Variants in ATG9B observed in about 807,000 individuals in gnomAD.
ATG9B encodes autophagy-related protein 9B.
ATG9B carries 92 observed loss-of-function variants against 92.9 expected under a neutral mutation model. The observed-to-expected ratio is 0.99, with a 90% CI of 0.84 to 1.18. ATG9B has a LOEUF of 1.18. Among genes scored for constraint, ATG9B ranks in the 50% most tolerant of loss-of-function variants. ATG9B has a pLI of 0.00. For missense variants in ATG9B, 1,344 were observed against 1,235.0 expected, an observed-to-expected ratio of 1.09 and a Z score of -1.32; for synonymous variants, 599 against 551.4, an observed-to-expected ratio of 1.09 and a Z score of -1.21.
downstream of ATG9B, chr7:151,014,459 C>G (rs1795398299): frequency 1.6e-5 from 7 of 440,678 alleles, no homozygotes; most frequent in Non-Finnish European, 2.8e-5. Context: ...ATGTTAGATT[C>G]CTCTTGCCTC....
chr7:151,019,334 C>A lies in ATG9B; in HGVS notation c.1004G>T (p.Arg335Leu). The A allele has an allele frequency of 1.3e-6, 2 of 1,551,736 alleles. No individual in the cohort carries two copies. Among genetic ancestry groups the A allele is most frequent in the Non-Finnish European group, 1.7e-6 (2 of 1,156,314 alleles). ...CCCGCTCCGCTGCAGTGCCAAGAGG[C>A]GGGACTGCACCTCTGCCCAGGGAAC... ...SSVPWAEVQSRLLALQRSGGL... is the reference protein window; with the variant it reads ...SSVPWAEVQSLLLALQRSGGL... The change falls in exon 6 of 14, where the codon CGC (arginine) becomes CTC (leucine). Residue 335 changes from arginine to leucine, a missense_variant. Transcript: ENST00000639579.
chr7:151,019,883 G>T (rs1329155172), intron 5 of ATG9B: 2 of 153,202 alleles, frequency 1.3e-5, no homozygotes, highest in African/African-American at 4.8e-5. Flanking sequence ...ATAGCAGGGC[G>T]TGGTGGTGTG....
At position 151,018,766 on chromosome 7, in the gene ATG9B, G is replaced by A; in HGVS notation, c.1572C>T (p.Arg524=). ...LRTAAPPAPL[R]TLLARQLVFF... is the part of the protein sequence containing the mutation. ...AAACGAGCTGGCGGGCCAGCAGCGT[G>A]CGCAGGGGCGCGGGGGGCGCAGCGG... is the stretch of plus-strand genomic sequence containing the variant. The change falls in exon 6 of 14, where the codon CGC becomes CGT. Residue 524 remains arginine, a synonymous_variant. Transcript: ENST00000639579. The surrounding 1 kb of genome is among the most constrained non-coding windows in gnomAD (Gnocchi z 4.7). The A allele has an allele frequency of 6.7e-7, 1 of 1,488,900 alleles. No homozygotes were observed. The highest frequency in any genetic ancestry group is 8.9e-7 in the Non-Finnish European group (1 of 1,123,798). 92.2% of individuals were successfully genotyped at this position (1,488,900 alleles called of 1,614,324 possible).
In ATG9B at chr7:151,016,434, G is replaced by A. The variant is rs899337168; in HGVS notation, c.2517C>T (p.His839=). The A allele has an allele frequency of 7.7e-6, 12 of 1,551,252 alleles. No individual in the cohort carries two copies. In the African/African-American group the frequency reaches 8.2e-5, roughly 11 times the overall value. The change falls in exon 11 of 14, where the codon CAC becomes CAT. Residue 839 remains histidine, a synonymous_variant. Coordinates refer to ENST00000639579, the MANE Select transcript of ATG9B (RefSeq NM_001317056.2). ...CTTTGGGCACCCCTCTACTCACCTGGTGCAGGTAGATGACATGGAGACTCA... is the reference window on the plus strand; with the variant it reads ...CTTTGGGCACCCCTCTACTCACCTGATGCAGGTAGATGACATGGAGACTCA... The part of the protein sequence containing the change: ...AEMSLHVIYL[H]QLHQQQQQQE...
Position 151,024,377 on chromosome 7 carries a change from C to A in ATG9B, c.47G>T (p.Arg16Leu). 1.5e-6 allele frequency: 2 copies of A among 1,375,256 alleles called. No homozygotes were observed. Among genetic ancestry groups the A allele is most frequent in the Non-Finnish European group, 1.9e-6 (2 of 1,059,620 alleles). 85.2% of individuals were successfully genotyped at this position (1,375,256 alleles called of 1,614,324 possible). A position where few individuals can be genotyped will look rare whatever the true frequency, so the allele number is the denominator to read the frequency against. ...GWGGRRRRLGRWGDLGPGSVP... is the reference protein window; with the variant it reads ...GWGGRRRRLGLWGDLGPGSVP... ...CGATCCGGGCCCCAGATCTCCCCAC[C>A]GCCCCAGCCGCCTTCTTCTCCCCCC... Residue 16 changes from arginine (R) to leucine (L), a missense_variant, in exon 1 of 14, where the codon CGG becomes CTG. By Grantham distance (102) the Arg-to-Leu change is moderately radical. Coordinates refer to ENST00000639579, the MANE Select transcript of ATG9B (RefSeq NM_001317056.2).
intron 13 of ATG9B, 45 bp downstream of exon 13, chr7:151,015,837 C>T: frequency 6.6e-7 from 1 of 1,523,496 alleles, no homozygotes; most frequent in Non-Finnish European, 8.8e-7. Context: ...AAACCAACTA[C>T]CTATGCCGTC....
chr7:151,013,217 G>C (rs752728880), downstream of ATG9B: 4 of 1,608,582 alleles, frequency 2.5e-6, no homozygotes, highest in Non-Finnish European at 3.4e-6. Flanking sequence ...TCCCAAGCGC[G>C]GGGTTGCTTG....
rs771808550 is a variant in ATG9B at position 151,017,250 on chromosome 7, TCA to T, written c.2073_2074del (p.Glu692GlyfsTer13). 1 of 1,601,734 alleles carries T rather than the reference TCA, an allele frequency of 6.2e-7. No individual in the cohort carries two copies. Among genetic ancestry groups the T allele is most frequent in the African/African-American group, 1.3e-5 (1 of 74,580 alleles). ...CTCCGCACGCTGAGACAGCGAGGCC[TCA>T]GTCTGTCCCGCCGAGAGCCACTGTG... On this transcript the variant is annotated frameshift_variant, in exon 9 of 14. Transcript: ENST00000639579. LOFTEE classifies it high-confidence loss of function.
Position 151,018,533 on chromosome 7 carries a change from G to A in ATG9B, c.1719-86C>T, listed in dbSNP as rs1440292736. On this transcript the variant is annotated intron_variant, in intron 6 of 13. Coordinates refer to ENST00000639579, the MANE Select transcript of ATG9B (RefSeq NM_001317056.2). This position sits in a 1 kb window ranked among gnomAD's most constrained non-coding sequence, Gnocchi z 4.7. ...TAGGGCTAGAGGGCCCCAGTGGTGG[G>A]AGAGGTAAGGATTCGGGGGGAACCT... 2.0e-6 allele frequency: 3 copies of A among 1,523,124 alleles called. No homozygotes were observed. Among genetic ancestry groups the A allele is most frequent in the African/African-American group, 2.8e-5 (2 of 71,846 alleles). 94.4% of individuals were successfully genotyped at this position (1,523,124 alleles called of 1,614,324 possible). A position where few individuals can be genotyped will look rare whatever the true frequency, so the allele number is the denominator to read the frequency against.
rs764532903 is a variant in ATG9B, at chr7:151,021,152, C to T, written c.963+36G>A. On this transcript the variant is annotated intron_variant, in intron 5 of 13. Coordinates refer to ENST00000639579, the MANE Select transcript of ATG9B (RefSeq NM_001317056.2). ...CCCCTCTCCTCTGCCCACCCTCTCA[C>T]GGCACCCTCTGCACAGACACAGCCA... is the stretch of plus-strand genomic sequence containing the variant. 2.1e-5 allele frequency: 33 copies of T among 1,609,170 alleles called. No individual in the cohort carries two copies. In the East Asian group the frequency reaches 5.8e-4, roughly 28 times the overall value.
Position 151,019,137 on chromosome 7 carries a change from C to T in ATG9B, c.1201G>A (p.Asp401Asn), listed in dbSNP as rs1211147519. ...AAGGGACCGCGGAAGAGCAGCAGGT[C>T]GACATTGAGCGCCAGGCCGCGGCTG... The part of the protein sequence containing the change: ...FLSRGLALNV[D>N]LLLFRGPFSL... Residue 401 changes from aspartate to asparagine, a missense_variant, in exon 6 of 14, where the codon GAC becomes AAC. Physicochemically the swap from Asp to Asn is conservative, Grantham distance 23. Transcript: ENST00000639579. The T allele has an allele frequency of 3.3e-6, 5 of 1,535,802 alleles. No homozygotes were observed. Among genetic ancestry groups the T allele is most frequent in the African/African-American group, 2.7e-5 (2 of 73,032 alleles).
intron 10 of ATG9B, 42 bp downstream of exon 10, chr7:151,016,645 AC>A (rs202233928): frequency 1.9e-5 from 29 of 1,511,092 alleles, no homozygotes; most frequent in Non-Finnish European, 2.1e-5. Flanking sequence ...GGATCAGCCC[AC>A]CCCCCTCCAC....
At chr7:151,020,887 A>C in intron 5 of ATG9B, 1 of 267,192 alleles carries the variant, frequency 3.7e-6, no homozygotes, top group Non-Finnish European at 7.2e-6. Context: ...AGCTCTGAAA[A>C]GCCAGATAAC....
At chr7:151,013,945 C>G (rs202210233), downstream of ATG9B, 24 of 1,601,046 alleles carry the variant, frequency 1.5e-5, no homozygotes, top group East Asian at 5.2e-4. Flanking sequence ...CGGGCCTGAG[C>G]GTGCGGGGTT....
rs574659110 is a variant in ATG9B, at chr7:151,023,219, A to AG, written c.660-14dup. 1.6e-5 allele frequency: 26 copies of AG among 1,613,914 alleles called. No individual in the cohort carries two copies. The highest frequency in any genetic ancestry group is 1.5e-4 in the South Asian group (14 of 91,076). ...GAAAATAAATTGTCTGCCGGGAGGA[A>AG]GGGGGGGTGCCGGGATGCTGCAGTG... On this transcript the variant is annotated splice_polypyrimidine_tract_variant and intron_variant, in intron 3 of 13. Coordinates refer to ENST00000639579, the MANE Select transcript of ATG9B (RefSeq NM_001317056.2).
chr7:151,013,497 C>A, downstream of ATG9B: 1 of 1,294,602 alleles, frequency 7.7e-7, no homozygotes, highest in Non-Finnish European at 1.0e-6. Context: ...ACCACTCAGC[C>A]ACCCCTGCAC....
Position 151,024,147 on chromosome 7 carries a change from T to C in ATG9B, c.277A>G (p.Ile93Val), listed in dbSNP as rs1025296692. 1 of 1,579,784 alleles carries C rather than the reference T, an allele frequency of 6.3e-7. No individual in the cohort carries two copies. The highest frequency in any genetic ancestry group is 8.6e-7 in the Non-Finnish European group (1 of 1,162,078). ...GCCTGTGTTGGGGGGGTGGCTGGGA[T>C]AGGGAGAGCACTGTGGCAAGACTGA... The part of the protein sequence containing the change: ...ASQSCHSALP[I>V]PATPPTQAQP... The change falls in exon 1 of 14, where the codon ATC (isoleucine) becomes GTC (valine). Residue 93 changes from isoleucine (I) to valine (V), a missense_variant. Transcript: ENST00000639579.
At position 151,016,456 on chromosome 7, in the gene ATG9B, C is replaced by T. The variant is rs890681764; in HGVS notation, c.2495G>A (p.Ser832Asn). 2.6e-6 allele frequency: 4 copies of T among 1,551,530 alleles called. No individual in the cohort carries two copies. Among genetic ancestry groups the T allele is most frequent in the Non-Finnish European group, 3.5e-6 (4 of 1,146,978 alleles). ...CTGGTGCAGGTAGATGACATGGAGA[C>T]TCATCTCGGCAGAAGCAAGTTCTGG... ...QLPELASAEM[S>N]LHVIYLHQLH... is the part of the protein sequence containing the mutation. The change falls in exon 11 of 14, where the codon AGT becomes AAT. Residue 832 changes from serine (S) to asparagine (N), a missense_variant. By Grantham distance (46) the Ser-to-Asn change is conservative (BLOSUM62 1). Transcript: ENST00000639579.
At position 151,024,404 on chromosome 7, in the gene ATG9B, C is replaced by A. The variant is rs374984486; in HGVS notation, c.20G>T (p.Trp7Leu). The A allele has an allele frequency of 2.0e-4, 271 of 1,376,198 alleles. No individual in the cohort carries two copies. The highest frequency in any genetic ancestry group is 2.5e-4 in the Non-Finnish European group (260 of 1,060,384). 85.2% of individuals were successfully genotyped at this position (1,376,198 alleles called of 1,614,324 possible). ...CCCCAGCCGCCTTCTTCTCCCCCCCCAGCCCATTCGGCTCACCATCAGGCC... is the reference window on the plus strand; with the variant it reads ...CCCCAGCCGCCTTCTTCTCCCCCCCAAGCCCATTCGGCTCACCATCAGGCC... Reference protein sequence around the residue: MVSRMGWGGRRRRLGRW... With the variant: MVSRMGLGGRRRRLGRW... The change falls in exon 1 of 14, where the codon TGG (tryptophan) becomes TTG (leucine). Residue 7 changes from tryptophan (W) to leucine (L), a missense_variant. By Grantham distance (61) the Trp-to-Leu change is moderately conservative. Transcript: ENST00000639579.
Sources: allele counts gnomAD v4.1 joint callset, GRCh38; gene constraint gnomAD v4.1.1; non-coding constraint Gnocchi (gnomAD v3.1); transcripts MANE v1.5; gene names NCBI Gene and HGNC (gene_info 2026-07-23, HGNC 2026-07-21).